DENND2C: variants seen among roughly 807,000 people sequenced by gnomAD.
DENND2C encodes the protein DENN domain-containing protein 2C.
In DENND2C, 72 loss-of-function variants were observed where a neutral mutation model predicts 112.4. The ratio of observed to expected loss-of-function variants is 0.64; its 90% CI spans 0.53 to 0.78. The LOEUF is 0.78. DENND2C is among the 30% of genes least tolerant of loss of function. DENND2C has a pLI of 0.00. For missense variants in DENND2C, 992 were observed against 1,113.8 expected (o/e 0.89, Z 1.56); for synonymous variants, 329 against 381.6 (o/e 0.86, Z 1.61).
rs1389996334 is a variant in DENND2C, at chr1:114,583,842, A to G, written c.*1758T>C. ...AAAAAAAAACCGAAACAAAACACAC[A>G]CACACACACATACACACACAAAAAA... is the stretch of plus-strand genomic sequence containing the variant. On this transcript the variant is annotated 3_prime_UTR_variant, in exon 21 of 21. Coordinates refer to ENST00000393274, the MANE Select transcript of DENND2C (RefSeq NM_001256404.2). The G allele has an allele frequency of 6.6e-6, 1 of 150,830 alleles. No homozygotes were observed. The allele number at this position is 150,830 out of a possible 1,614,324, so 9.3% of individuals were successfully genotyped here.
At chr1:114,669,598 T>C (rs973229266) in intron 1 of DENND2C, among the ~76,000 whole-genome samples, 1 of 152,188 alleles carries the variant, frequency 6.6e-6, no homozygotes, top group Non-Finnish European at 1.5e-5. Flanking sequence ...TCAAGCTCAC[T>C]GGCTAATTTT....
chr1:114,606,099 A>G (rs1655651818), intron 10 of DENND2C, among the ~76,000 whole-genome samples: 1 of 152,102 alleles, frequency 6.6e-6, no homozygotes, highest in South Asian at 2.1e-4. Context: ...TGTTGTTGAG[A>G]AGGAGGTCTT....
At chr1:114,595,965 G>T in intron 16 of DENND2C, 92 bp from the exon 17 acceptor site, 1 of 1,188,458 alleles carries the variant, frequency 8.4e-7, no homozygotes, top group Non-Finnish European at 1.2e-6. Flanking sequence ...TTTACTCAAA[G>T]TTTCAGCCCA....
At chr1:114,653,755 T>G (rs1657233255) in intron 2 of DENND2C, among the ~76,000 whole-genome samples, 2 of 152,204 alleles carry the variant, frequency 1.3e-5, no homozygotes, top group South Asian at 4.1e-4. Flanking sequence ...AGTAAATGTT[T>G]TTTAAAAATG....
chr1:114,654,103 G>C (rs1004391774), intron 2 of DENND2C, among the ~76,000 whole-genome samples: 3 of 152,092 alleles, frequency 2.0e-5, no homozygotes, highest in Non-Finnish European at 2.9e-5. Flanking sequence ...AACTATGGTT[G>C]AATTTTCTTT....
intron 9 of DENND2C, among the ~76,000 whole-genome samples, chr1:114,609,670 T>C (rs1655757614): frequency 6.6e-6 from 1 of 152,220 alleles, no homozygotes; most frequent in Non-Finnish European, 1.5e-5. Flanking sequence ...AGTCTACACG[T>C]CCCAGTGATT....
chr1:114,645,604 A>G (rs1656959368), intron 2 of DENND2C, 45 bp from the exon 3 acceptor site: 1 of 152,224 alleles, frequency 6.6e-6, no homozygotes, highest in African/African-American at 2.4e-5. Flanking sequence ...ACTCACCACA[A>G]ATACATGGAA....
chr1:114,656,225 T>A (rs957148836), intron 1 of DENND2C, among the ~76,000 whole-genome samples: 1 of 151,850 alleles, frequency 6.6e-6, no homozygotes, highest in African/African-American at 2.4e-5. Context: ...TGTGCCACCA[T>A]GCCTGGCTAA....
In DENND2C at chr1:114,588,002, G is replaced by T. The variant is rs1198423001; in HGVS notation, c.2432-50C>A. ...AAGAAAAAAATCTCCTCAGTTATCT[G>T]TATCTGGAAACACTGGCTCTGGTTA... On this transcript the variant is annotated intron_variant, in intron 18 of 20. Transcript: ENST00000393274. The T allele has an allele frequency of 2.6e-6, 4 of 1,509,888 alleles. No homozygotes were observed. In the African/African-American group the frequency reaches 5.6e-5, roughly 21 times the overall value. The allele number at this position is 1,509,888 out of a possible 1,614,324, so 93.5% of individuals were successfully genotyped here.
intron 4 of DENND2C, among the ~76,000 whole-genome samples, chr1:114,624,497 A>G (rs1656273866): frequency 6.6e-6 from 1 of 151,240 alleles, no homozygotes; most frequent in South Asian, 2.1e-4. Context: ...GGGTCTCACT[A>G]TGTTGCCCTG....
Position 114,626,121 on chromosome 1 carries a change from C to T in DENND2C, c.-137G>A. On this transcript the variant is annotated 5_prime_UTR_variant, in exon 4 of 21. Coordinates refer to ENST00000393274, the MANE Select transcript of DENND2C (RefSeq NM_001256404.2). The stretch of plus-strand genomic sequence containing the variant: ...CCCTTCATGTTTAACTTGTAAATCT[C>T]TTTGTAAAAAGAAAATTTTGATCAG... 1.0e-6 allele frequency: 1 copy of T among 961,174 alleles called. No homozygotes were observed. Among genetic ancestry groups the T allele is most frequent in the Non-Finnish European group, 1.5e-6 (1 of 683,804 alleles). 59.5% of individuals were successfully genotyped at this position (961,174 alleles called of 1,614,324 possible).
At chr1:114,631,692 G>A (rs12089725) in intron 3 of DENND2C, among the ~76,000 whole-genome samples, 1 of 152,122 alleles carries the variant, frequency 6.6e-6, no homozygotes, top group Non-Finnish European at 1.5e-5. Flanking sequence ...TGAGGCAGGA[G>A]AATGGCCAGA....
chr1:114,666,402 G>C (rs1657649860), intron 1 of DENND2C, among the ~76,000 whole-genome samples: 2 of 152,090 alleles, frequency 1.3e-5, no homozygotes, highest in African/African-American at 4.8e-5. Flanking sequence ...TCCTTAGCAC[G>C]ATACTCTGGC....
chr1:114,641,801 A>G (rs1174562796), intron 3 of DENND2C, among the ~76,000 whole-genome samples: 2 of 152,144 alleles, frequency 1.3e-5, no homozygotes, highest in African/African-American at 4.8e-5. Flanking sequence ...TTATGAAACA[A>G]TTGGGAAAAG....
chr1:114,625,477 C>T lies in DENND2C; in HGVS notation c.508G>A (p.Asp170Asn), dbSNP rs1656310683. The change falls in exon 4 of 21, where the codon GAC becomes AAC. Residue 170 changes from aspartate to asparagine, a missense_variant. Coordinates refer to ENST00000393274, the MANE Select transcript of DENND2C (RefSeq NM_001256404.2). ...KLLNLALEHC[D>N]SSEKELNFRV... ...AAGTTCAGTTCTTTTTCTGAAGAGT[C>T]ACAATGTTCTAAAGCCAAATTTAAG... is the stretch of plus-strand genomic sequence containing the variant. 1 of 1,614,068 alleles carries T rather than the reference C, an allele frequency of 6.2e-7. No homozygotes were observed. Among genetic ancestry groups the T allele is most frequent in the Non-Finnish European group, 8.5e-7 (1 of 1,179,990 alleles).
At position 114,625,826 on chromosome 1, in the gene DENND2C, G is replaced by A; in HGVS notation, c.159C>T (p.His53=). 6.2e-7 allele frequency: 1 copy of A among 1,613,978 alleles called. No homozygotes were observed. Among genetic ancestry groups the A allele is most frequent in the Non-Finnish European group, 8.5e-7 (1 of 1,180,010 alleles). Residue 53 remains histidine, a synonymous_variant, in exon 4 of 21, where the codon CAC becomes CAT. Coordinates refer to ENST00000393274, the MANE Select transcript of DENND2C (RefSeq NM_001256404.2). Reference sequence around the variant, plus strand: ...GATTTTTCTTAAGACGGATCTCTTGGTGACAGTTATATCTCACTCCAAAGT... The same window carrying A: ...GATTTTTCTTAAGACGGATCTCTTGATGACAGTTATATCTCACTCCAAAGT... ...PKDFGVRYNC[H]QEIRLKKNPI...
chr1:114,618,523 C>T, intron 7 of DENND2C, 41 bp from the exon 8 acceptor site: 1 of 1,236,846 alleles, frequency 8.1e-7, no homozygotes, highest in Non-Finnish European at 1.1e-6. Context: ...GACCAACACC[C>T]AAAAGTTTCA....
Position 114,585,684 on chromosome 1 carries a change from C to T in DENND2C, c.2756-53G>A, listed in dbSNP as rs999894499. On this transcript the variant is annotated intron_variant, in intron 20 of 20. Coordinates refer to ENST00000393274, the MANE Select transcript of DENND2C (RefSeq NM_001256404.2). ...GCTCAATTCATTTTTATTTATTGTA[C>T]ATTATTTGAGGTAAGGGATTAACAG... 7.0e-6 allele frequency: 11 copies of T among 1,579,714 alleles called. No homozygotes were observed. In the Admixed American group the frequency reaches 1.0e-4, roughly 14 times the overall value.
intron 3 of DENND2C, among the ~76,000 whole-genome samples, chr1:114,630,412 A>G (rs781593292): frequency 2.6e-5 from 4 of 152,198 alleles, no homozygotes; most frequent in East Asian, 1.9e-4. Flanking sequence ...TCCCACATCA[A>G]TAACTATAAA....
Sources: allele counts gnomAD v4.1 joint callset (sites outside exome capture counted in the v4.1 genomes callset), GRCh38; gene constraint gnomAD v4.1.1; transcripts MANE v1.5; gene names NCBI Gene and HGNC (gene_info 2026-07-23, HGNC 2026-07-21).